Variants in ENTREP3 observed in about 807,000 individuals in gnomAD.
ENTREP3 encodes protein ENTREP3.
the ENTREP3 span, chr1:155,253,514 C>T: frequency 1.5e-6 from 1 of 684,982 alleles, no homozygotes; most frequent in Non-Finnish European, 2.6e-6. Flanking sequence ...AACCCATAGC[C>T]CCTGGTGCTC....
At chr1:155,253,453 C>T in the ENTREP3 span, 10 of 597,750 alleles carry the variant, frequency 1.7e-5, no homozygotes, top group Admixed American at 3.3e-5. Context: ...ATCTCCCCTT[C>T]TCATCCTCCC....
chr1:155,252,169 A>G, the ENTREP3 span: 8 of 412,612 alleles, frequency 1.9e-5, no homozygotes, highest in Non-Finnish European at 2.9e-5. Flanking sequence ...GTGTCTTCAC[A>G]GGAATGTCCA....
the ENTREP3 span, among the ~76,000 whole-genome samples, chr1:155,252,494 C>T: frequency 5.3e-5 from 8 of 150,138 alleles, no homozygotes; most frequent in African/African-American, 1.2e-4. Flanking sequence ...CTCAGTCTTC[C>T]GAGTAGCTGG....
chr1:155,253,447 C>T, the ENTREP3 span: 1 of 595,246 alleles, frequency 1.7e-6, no homozygotes. Context: ...CCTGCCATCT[C>T]CCCTTCTCAT....
the ENTREP3 span, chr1:155,255,253 C>G: frequency 9.4e-6 from 3 of 318,246 alleles, no homozygotes; most frequent in Non-Finnish European, 1.8e-5. This position sits in a 1 kb window ranked among gnomAD's most constrained non-coding sequence, Gnocchi z 5.6. Context: ...AGGGTAAAAG[C>G]GGGAAGGATG....
At chr1:155,252,724 T>G in the ENTREP3 span, 10 of 43,848 alleles carry the variant, frequency 2.3e-4, no homozygotes, top group African/African-American at 1.4e-3. Flanking sequence ...ATATATATAT[T>G]TTTTTTTTTT....
the ENTREP3 span, chr1:155,254,552 G>C: frequency 5.1e-6 from 8 of 1,564,592 alleles, no homozygotes; most frequent in Non-Finnish European, 6.2e-6. The surrounding 1 kb of genome is among the most constrained non-coding windows in gnomAD (Gnocchi z 4.4). Context: ...GGAGGCAGAG[G>C]ACCAGGAGAG....
chr1:155,250,027 C>T, the ENTREP3 span, among the ~76,000 whole-genome samples: 1 of 151,536 alleles, frequency 6.6e-6, no homozygotes, highest in Non-Finnish European at 1.5e-5. This position sits in a 1 kb window ranked among gnomAD's most constrained non-coding sequence, Gnocchi z 5.4. Flanking sequence ...CACTGCACTC[C>T]AGCCTGGGCG....
chr1:155,248,216 G>A, the ENTREP3 span: 2 of 1,609,030 alleles, frequency 1.2e-6, no homozygotes, highest in African/African-American at 2.7e-5. Flanking sequence ...GGTGGGCACA[G>A]GGCGCCGTTT....
At chr1:155,248,061 C>T in the ENTREP3 span, 1 of 1,614,262 alleles carries the variant, frequency 6.2e-7, no homozygotes, top group Non-Finnish European at 8.5e-7. Context: ...TGCTTATGTC[C>T]ATGAGCTCCA....
At chr1:155,251,372 A>T in the ENTREP3 span, 1 of 743,694 alleles carries the variant, frequency 1.3e-6, no homozygotes, top group Admixed American at 2.7e-5. Flanking sequence ...ATCAAAGGCA[A>T]CAGTGGGCAT....
chr1:155,254,247 T>C, the ENTREP3 span: 1 of 1,514,552 alleles, frequency 6.6e-7, no homozygotes, highest in African/African-American at 1.4e-5. This position sits in a 1 kb window ranked among gnomAD's most constrained non-coding sequence, Gnocchi z 4.4. Flanking sequence ...AGTACTCCTC[T>C]GCCACGGACA....
the ENTREP3 span, chr1:155,254,175 A>G: frequency 1.2e-6 from 2 of 1,613,944 alleles, no homozygotes; most frequent in Non-Finnish European, 1.7e-6. This position sits in a 1 kb window ranked among gnomAD's most constrained non-coding sequence, Gnocchi z 4.4. Flanking sequence ...GAGCACCGAA[A>G]GCAAGGAGAA....
chr1:155,249,646 G>A, the ENTREP3 span, among the ~76,000 whole-genome samples: 1 of 152,006 alleles, frequency 6.6e-6, no homozygotes, highest in Non-Finnish European at 1.5e-5. Flanking sequence ...TTGGGAGGCC[G>A]AGGCGGGCAG....
At chr1:155,250,205 G>A in the ENTREP3 span, 2 of 1,359,694 alleles carry the variant, frequency 1.5e-6, no homozygotes, top group Non-Finnish European at 2.0e-6. The surrounding 1 kb of genome is among the most constrained non-coding windows in gnomAD (Gnocchi z 5.4). Context: ...CAATCCTGGT[G>A]GGCATCACTG....
the ENTREP3 span, chr1:155,250,324 G>A: frequency 6.5e-7 from 1 of 1,547,378 alleles, no homozygotes; most frequent in South Asian, 1.2e-5. This position sits in a 1 kb window ranked among gnomAD's most constrained non-coding sequence, Gnocchi z 5.4. Flanking sequence ...GACCGTGGCA[G>A]CAGCAGCGGT....
At chr1:155,249,951 G>C in the ENTREP3 span, among the ~76,000 whole-genome samples, 2 of 151,354 alleles carry the variant, frequency 1.3e-5, no homozygotes, top group Non-Finnish European at 2.9e-5. Flanking sequence ...CCAGCTACTC[G>C]GCAGGCTGAA....
chr1:155,253,325 A>C, the ENTREP3 span: 1 of 300,650 alleles, frequency 3.3e-6, no homozygotes, highest in Non-Finnish European at 6.1e-6. Context: ...GATTACAGGA[A>C]TGAGCCACCG....
the ENTREP3 span, chr1:155,251,457 A>G: frequency 1.4e-6 from 2 of 1,435,882 alleles, no homozygotes; most frequent in Non-Finnish European, 2.0e-6. Flanking sequence ...TTTCCAGGCT[A>G]CAACCCGGCT....
Sources: gnomAD v4.1 joint callset for allele counts (sites outside exome capture counted in the v4.1 genomes callset) on GRCh38, gnomAD v4.1.1 for gene constraint, Gnocchi (gnomAD v3.1) non-coding constraint, MANE v1.5 for transcripts, NCBI Gene and HGNC (gene_info 2026-07-23, HGNC 2026-07-21) for gene names.